Variants in SCAPER observed in about 807,000 individuals in gnomAD.
The protein encoded by SCAPER is S phase cyclin A-associated protein in the endoplasmic reticulum.
In SCAPER, 98 loss-of-function variants were observed where a neutral mutation model predicts 182.2. That is an observed-to-expected ratio of 0.54 (90% CI 0.46 to 0.64). The LOEUF (loss-of-function observed/expected upper bound fraction) is 0.64. SCAPER is among the 30% of genes least tolerant of loss of function. The probability of loss-of-function intolerance (pLI) is 0.00; values close to 1 mark genes in which losing one functional copy is unlikely to be tolerated. For synonymous variants in SCAPER, 605 were observed against 564.6 expected (o/e 1.07, Z -1.01); for missense variants, 1,432 against 1,690.0 (o/e 0.85, Z 2.68).
At chr15:76,692,603 C>T (rs1244212586) in intron 20 of SCAPER, among the ~76,000 whole-genome samples, 1 of 147,512 alleles carries the variant, frequency 6.8e-6, no homozygotes, top group African/African-American at 2.5e-5. Flanking sequence ...GCATGAGAAT[C>T]ACTTGAACCC....
At position 76,730,795 on chromosome 15, in the gene SCAPER, G is replaced by A. The variant is rs151245837; in HGVS notation, c.2023-2058C>T. On this transcript the variant is annotated intron_variant, in intron 16 of 31. Coordinates refer to ENST00000563290, the MANE Select transcript of SCAPER (RefSeq NM_020843.4). ...ATCCTAAACTGATCTTATAAAATAT[G>A]TATTATGTAAAAATAATTACTGCAG... Among the ~76,000 whole-genome samples, 403 of 152,220 alleles carry A rather than the reference G, an allele frequency of 2.6e-3. 1 individual carries two copies. Among genetic ancestry groups the A allele is most frequent in the African/African-American group, 9.4e-3 (389 of 41,548 alleles).
chr15:76,574,668 C>T (rs569448431), intron 22 of SCAPER, among the ~76,000 whole-genome samples: 2 of 152,208 alleles, frequency 1.3e-5, no homozygotes, highest in South Asian at 4.1e-4. Context: ...TTTAAATCTT[C>T]GAATATTATT....
intron 23 of SCAPER, among the ~76,000 whole-genome samples, chr15:76,518,053 T>G (rs1489019055): frequency 7.2e-5 from 11 of 152,128 alleles, no homozygotes; most frequent in Non-Finnish European, 1.5e-5. Flanking sequence ...GTGGTGCAGT[T>G]CTTGAGATTG....
chr15:76,436,655 T>G (rs2047219184), intron 25 of SCAPER, among the ~76,000 whole-genome samples: 1 of 152,138 alleles, frequency 6.6e-6, no homozygotes, highest in Non-Finnish European at 1.5e-5. Context: ...GGTCTCTGTT[T>G]TGTTTGAGGT....
At chr15:76,652,309 T>TACAC (rs1327915758) in intron 21 of SCAPER, among the ~76,000 whole-genome samples, 14 of 14,146 alleles carry the variant, frequency 9.9e-4, no homozygotes, top group African/African-American at 1.9e-3. Flanking sequence ...TATATATATA[T>TACAC]ACACACACAC....
intron 21 of SCAPER, among the ~76,000 whole-genome samples, chr15:76,654,502 A>G (rs1246965937): frequency 6.6e-6 from 1 of 152,228 alleles, no homozygotes; most frequent in Non-Finnish European, 1.5e-5. Context: ...CTACCGAGAA[A>G]AGAGAATGCT....
chr15:76,765,634 C>T lies in SCAPER; in HGVS notation c.1424G>A (p.Ser475Asn), dbSNP rs1304659738. 2 of 1,574,732 alleles carry T rather than the reference C, an allele frequency of 1.3e-6. No individual in the cohort carries two copies. The highest frequency in any genetic ancestry group is 3.7e-5 in the Admixed American group (2 of 53,798). Residue 475 changes from serine to asparagine, a missense_variant, in exon 12 of 32, where the codon AGC becomes AAC. By Grantham distance (46) the Ser-to-Asn change is conservative (BLOSUM62 1). Around this residue, in one of 5 missense-constraint regions of SCAPER, gnomAD observed 128 missense variants for 149.9 expected, o/e 0.85. Coordinates refer to ENST00000563290, the MANE Select transcript of SCAPER (RefSeq NM_020843.4). Reference protein sequence around the residue: ...ETDNDSDFSASMGSGSVSFCG... With the variant: ...ETDNDSDFSANMGSGSVSFCG... ...GAAAGAAACACTCCCACTGCCCATG[C>T]TGGCCTAAAATGTAATAAGGGAAGT...
At chr15:76,904,369 T>A (rs2074952243) in intron 1 of SCAPER, among the ~76,000 whole-genome samples, 1 of 152,234 alleles carries the variant, frequency 6.6e-6, no homozygotes, top group Admixed American at 6.5e-5. Flanking sequence ...CAAACTATAA[T>A]TCATATAAGG....
Position 76,635,226 on chromosome 15 carries a change from C to A in SCAPER, c.2646-13397G>T, listed in dbSNP as rs76371632. ...AGCAGCTCAGGGTACAAGCCATAAC[C>A]AATCCTAGACAGGACATCACTTCAT... is the stretch of plus-strand genomic sequence containing the variant. On this transcript the variant is annotated intron_variant, in intron 21 of 31. Coordinates refer to ENST00000563290, the MANE Select transcript of SCAPER (RefSeq NM_020843.4). Among the ~76,000 whole-genome samples the A allele has an allele frequency of 3.6e-3, 554 of 152,246 alleles. 7 individuals are homozygous for A. The highest frequency in any genetic ancestry group is 0.013 in the African/African-American group (540 of 41,532).
intron 23 of SCAPER, among the ~76,000 whole-genome samples, chr15:76,546,734 T>C (rs2045324621): frequency 6.6e-6 from 1 of 152,104 alleles, no homozygotes; most frequent in African/African-American, 2.4e-5. Context: ...TGTTACATAA[T>C]GGTAGCACAC....
chr15:76,889,864 A>C (rs2152592036), intron 1 of SCAPER, among the ~76,000 whole-genome samples: 1 of 152,366 alleles, frequency 6.6e-6, no homozygotes, highest in East Asian at 1.9e-4. Flanking sequence ...TCAACAGAAT[A>C]TTCATTCTTC....
chr15:76,647,451 T>C (rs1264935016), intron 21 of SCAPER, among the ~76,000 whole-genome samples: 1 of 152,168 alleles, frequency 6.6e-6, no homozygotes, highest in Non-Finnish European at 1.5e-5. Context: ...GCAAGTGAAA[T>C]AAGTCCTATG....
At chr15:76,827,558 GA>G (rs555674004) in intron 5 of SCAPER, among the ~76,000 whole-genome samples, 1 of 151,648 alleles carries the variant, frequency 6.6e-6, no homozygotes, top group Non-Finnish European at 1.5e-5. Context: ...ACTATAAAAA[GA>G]AAAAAACTAG....
At chr15:76,432,320 T>C (rs1378728402) in intron 26 of SCAPER, among the ~76,000 whole-genome samples, 1 of 152,228 alleles carries the variant, frequency 6.6e-6, no homozygotes, top group Non-Finnish European at 1.5e-5. Context: ...AAGGGCCTGG[T>C]GCTCTCCAGT....
chr15:76,530,257 T>C (rs144921288), intron 23 of SCAPER, among the ~76,000 whole-genome samples: 231 of 152,268 alleles, frequency 1.5e-3, no homozygotes, highest in African/African-American at 5.4e-3. Flanking sequence ...TATATCACAA[T>C]AAAATATTCA....
chr15:76,529,610 T>C (rs1449911627), intron 23 of SCAPER, among the ~76,000 whole-genome samples: 2 of 152,132 alleles, frequency 1.3e-5, no homozygotes, highest in Non-Finnish European at 2.9e-5. Flanking sequence ...AAGTTGACAT[T>C]TGAGTAAAGA....
Position 76,513,170 on chromosome 15 carries a change from C to T in SCAPER, c.2839-8196G>A, listed in dbSNP as rs528175696. On this transcript the variant is annotated intron_variant, in intron 23 of 31. Transcript: ENST00000563290. ...TCTGACTCATCTTTGCAGCCCCAGT[C>T]CTGGCACAGAGCAGGAATGGTAAAT... Among the ~76,000 whole-genome samples, 5 of 152,230 alleles carry T rather than the reference C, an allele frequency of 3.3e-5. No individual in the cohort carries two copies. The South Asian group carries it at 1.0e-3, about 32-fold the overall frequency.
At chr15:76,685,646 A>G (rs925715636) in intron 20 of SCAPER, among the ~76,000 whole-genome samples, 1 of 152,176 alleles carries the variant, frequency 6.6e-6, no homozygotes, top group Non-Finnish European at 1.5e-5. Context: ...TATTTCCCAA[A>G]TGATCTGATT....
intron 14 of SCAPER, among the ~76,000 whole-genome samples, chr15:76,759,856 G>A (rs1325991986): frequency 1.3e-5 from 2 of 152,014 alleles, no homozygotes. Context: ...CTTGAATTTG[G>A]TTTGCCAGTA....
Sources: gnomAD v4.1 joint callset for allele counts (sites outside exome capture counted in the v4.1 genomes callset) on GRCh38, gnomAD v4.1.1 for gene constraint, gnomAD v4.1.1 regional missense constraint, MANE v1.5 for transcripts, NCBI Gene and HGNC (gene_info 2026-07-23, HGNC 2026-07-21) for gene names.